The following ITIH6 variants were observed in gnomAD, a reference collection of about 807,000 sequenced individuals.
ITIH6 encodes the protein inter-alpha-trypsin inhibitor heavy chain H6.
A neutral mutation model predicts 58.2 loss-of-function variants in ITIH6; 60 were observed. The observed-to-expected ratio is 1.03, with a 90% confidence interval of 0.84 to 1.28. ITIH6 has a LOEUF of 1.28. ITIH6 is among the 50% of genes most tolerant of loss of function. ITIH6 has a pLI of 0.00. For missense variants in ITIH6, 1,290 were observed against 1,021.1 expected, an observed-to-expected ratio of 1.26 and a Z score of -3.59; for synonymous variants, 493 against 417.4, an observed-to-expected ratio of 1.18 and a Z score of -2.21.
chrX:54,758,772 G>A lies in ITIH6; in HGVS notation c.1302C>T (p.Asp434=). 1 of 1,210,173 alleles carries A rather than the reference G, an allele frequency of 8.3e-7. No individual in the cohort carries two copies. Among genetic ancestry groups the A allele is most frequent in the Non-Finnish European group, 1.1e-6 (1 of 894,367 alleles). The change falls in exon 8 of 13, where the codon GAC becomes GAT. Residue 434 remains aspartate (D), a synonymous_variant. Transcript: ENST00000218436. ...LFSLAFGDDA[D]FTLLRRLSLE... ...GGGACAGGCGGCGCAGCAGTGTAAA[G>A]TCAGCATCATCCCCAAAGGCCAAGC...
intron 6 of ITIH6, among the ~76,000 whole-genome samples, chrX:54,771,857 G>A (rs1187331840): frequency 1.8e-5 from 2 of 111,887 alleles, no homozygotes; most frequent in African/African-American, 3.3e-5. Context: ...ACAGATGCTG[G>A]CAAGGTTGTG....
intron 5 of ITIH6, among the ~76,000 whole-genome samples, chrX:54,776,180 G>GT (rs1929047909): frequency 9.2e-6 from 1 of 108,231 alleles, no homozygotes; most frequent in Non-Finnish European, 1.9e-5. Context: ...TCTTAGAGGA[G>GT]TAAAAAAAAA....
At chrX:54,789,509 T>C (rs1176600784) in intron 4 of ITIH6, among the ~76,000 whole-genome samples, 1 of 111,801 alleles carries the variant, frequency 8.9e-6, no homozygotes, top group Non-Finnish European at 1.9e-5. Flanking sequence ...GGATTGGTCC[T>C]ACCCTCTGTT....
chrX:54,774,131 CCA>C lies in ITIH6; in HGVS notation c.851_852del (p.Val284GlyfsTer5). 3 of 1,191,992 alleles carry C rather than the reference CCA, an allele frequency of 2.5e-6. No homozygotes were observed. The South Asian group carries it at 5.5e-5, about 22-fold the overall frequency. On this transcript the variant is annotated frameshift_variant, in exon 6 of 13. Transcript: ENST00000218436. LOFTEE classifies it high-confidence loss of function. Reference sequence around the variant, plus strand: ...GAGCTGCTTACGTCAATAACAAAAACCACATTCTTCTCCATAGGTGGAAGGCC... The same window carrying C: ...GAGCTGCTTACGTCAATAACAAAAACCATTCTTCTCCATAGGTGGAAGGCC... ...PRGLPPMEKNVVFVIDVSSSM... is the reference protein window; with the variant it reads ...PRGLPPMEKNXVFVIDVSSSM...
rs369187294 is a variant in ITIH6 at position 54,751,306 on chromosome X, G to T, written c.3427C>A (p.Gln1143Lys). ...TTGTCTGTAGTGACTGTGATGATCT[G>T]GAAGTAGGTGCGAGTCTGGTCCTTG... ...GHKDQTRTYF[Q>K]IITVTTDKPR... Residue 1143 changes from glutamine to lysine, a missense_variant, in exon 12 of 13, where the codon CAG becomes AAG. Transcript: ENST00000218436. 29 of 1,210,149 alleles carry T rather than the reference G, an allele frequency of 2.4e-5. No homozygotes were observed. Among genetic ancestry groups the T allele is most frequent in the Admixed American group, 8.7e-5 (4 of 45,845 alleles).
chrX:54,753,963 T>C lies in ITIH6; in HGVS notation c.3205A>G (p.Thr1069Ala). 8.3e-7 allele frequency: 1 copy of C among 1,208,917 alleles called. No homozygotes were observed. Among genetic ancestry groups the C allele is most frequent in the Non-Finnish European group, 1.1e-6 (1 of 893,635 alleles). The stretch of plus-strand genomic sequence containing the variant: ...GAGAAGGTGAAGATGCTAGGCAATG[T>C]GCCTGCAAAGGAGAGAGAGACTGTG... The part of the protein sequence containing the change: ...QGSSVGLAKG[T>A]LPSIFTFSSS... The change falls in exon 10 of 13, where the codon ACA becomes GCA. Residue 1069 changes from threonine to alanine, a missense_variant and splice_region_variant. Coordinates refer to ENST00000218436, the MANE Select transcript of ITIH6 (RefSeq NM_198510.3).
chrX:54,789,057 C>T (rs1253644211), intron 4 of ITIH6, among the ~76,000 whole-genome samples: 2 of 112,780 alleles, frequency 1.8e-5, no homozygotes, highest in African/African-American at 6.4e-5. Context: ...AGGAGACAGA[C>T]AGACAGACAC....
At chrX:54,776,801 G>C (rs1929061706) in intron 5 of ITIH6, among the ~76,000 whole-genome samples, 1 of 111,783 alleles carries the variant, frequency 8.9e-6, no homozygotes, top group Admixed American at 9.5e-5. Context: ...ATAATGCCCA[G>C]GTACTACATT....
At position 54,749,649 on chromosome X, in the gene ITIH6, G is replaced by A. The variant is rs937756162; in HGVS notation, c.*246C>T. The stretch of plus-strand genomic sequence containing the variant: ...AAGTGGCTTGTAGGGCTGGTGAGGA[G>A]CATGGATTTGGAGAGGGTGAGACTG... On this transcript the variant is annotated 3_prime_UTR_variant, in exon 13 of 13. Coordinates refer to ENST00000218436, the MANE Select transcript of ITIH6 (RefSeq NM_198510.3). 6.9e-5 allele frequency: 23 copies of A among 333,172 alleles called. No individual in the cohort carries two copies. Among genetic ancestry groups the A allele is most frequent in the Non-Finnish European group, 1.0e-4 (20 of 192,159 alleles). 27.5% of individuals were successfully genotyped at this position (333,172 alleles called of 1,213,427 possible).
chrX:54,795,134 CCAG>C (rs1569544386), intron 2 of ITIH6, among the ~76,000 whole-genome samples: 1 of 111,672 alleles, frequency 9.0e-6, no homozygotes, highest in Admixed American at 9.5e-5. Flanking sequence ...GCCGGCCCCT[CCAG>C]TCTGCTACCA....
At chrX:54,786,353 T>C (rs2147618749) in intron 5 of ITIH6, among the ~76,000 whole-genome samples, 1 of 111,858 alleles carries the variant, frequency 8.9e-6, no homozygotes, top group African/African-American at 3.2e-5. Context: ...CCATCCATGC[T>C]GCTTGGAGGC....
At chrX:54,775,653 T>G (rs1929036944) in intron 5 of ITIH6, among the ~76,000 whole-genome samples, 1 of 111,875 alleles carries the variant, frequency 8.9e-6, no homozygotes, top group Admixed American at 9.5e-5. Flanking sequence ...AGACTAGCTC[T>G]TGTCCCCAGT....
At position 54,768,998 on chromosome X, in the gene ITIH6, C is replaced by T. The variant is rs1445691938; in HGVS notation, c.903+5083G>A. On this transcript the variant is annotated intron_variant, in intron 6 of 12. Transcript: ENST00000218436. The stretch of plus-strand genomic sequence containing the variant: ...TTTTCCAACTTGATTCCATTCTCCC[C>T]ACCACTTTCAGGTACACCAATCAGA... Among the ~76,000 whole-genome samples, 144 of 109,151 alleles carry T rather than the reference C, an allele frequency of 1.3e-3. 4 individuals carry two copies. The highest frequency in any genetic ancestry group is 4.1e-3 in the African/African-American group (121 of 29,286). The allele number at this position is 109,151 out of a possible 115,157, so 94.8% of individuals were successfully genotyped here.
intron 8 of ITIH6, among the ~76,000 whole-genome samples, chrX:54,755,757 G>T (rs1017059195): frequency 9.0e-6 from 1 of 110,897 alleles, no homozygotes; most frequent in Non-Finnish European, 1.9e-5. Flanking sequence ...CAGAGAATGG[G>T]TGGGAGAGAG....
intron 6 of ITIH6, among the ~76,000 whole-genome samples, chrX:54,765,983 A>T (rs1389380125): frequency 9.0e-6 from 1 of 111,399 alleles, no homozygotes; most frequent in African/African-American, 3.3e-5. Flanking sequence ...TACCTTAGGC[A>T]GTATGGCCAT....
intron 5 of ITIH6, among the ~76,000 whole-genome samples, chrX:54,782,118 G>C (rs775013433): frequency 9.9e-5 from 11 of 110,997 alleles, no homozygotes; most frequent in Non-Finnish European, 1.9e-4. Flanking sequence ...GTGAGAATCA[G>C]GAAAAATAAC....
chrX:54,757,805 T>C lies in ITIH6; in HGVS notation c.2269A>G (p.Arg757Gly), dbSNP rs1409086613. ...GGTTTCACAGGTGGGACTTGTGTCC[T>C]GGAGTTCGTGGGTAATATATCAGGA... ...QNPDILPTNS[R>G]TQVPPVKPGI... The change falls in exon 8 of 13, where the codon AGG (arginine) becomes GGG (glycine). Residue 757 changes from arginine (R) to glycine (G), a missense_variant. By Grantham distance (125) the Arg-to-Gly change is moderately radical (BLOSUM62 -2). Coordinates refer to ENST00000218436, the MANE Select transcript of ITIH6 (RefSeq NM_198510.3). 2 of 1,210,834 alleles carry C rather than the reference T, an allele frequency of 1.7e-6. No homozygotes were observed. The highest frequency in any genetic ancestry group is 4.3e-5 in the Admixed American group (2 of 45,997).
At chrX:54,780,401 C>T (rs1317138810) in intron 5 of ITIH6, among the ~76,000 whole-genome samples, 1 of 111,610 alleles carries the variant, frequency 9.0e-6, no homozygotes, top group Admixed American at 9.5e-5. Flanking sequence ...GGAAATTAAA[C>T]AACATGCTCC....
chrX:54,777,496 G>C (rs988913260), intron 5 of ITIH6, among the ~76,000 whole-genome samples: 1 of 112,320 alleles, frequency 8.9e-6, no homozygotes, highest in African/African-American at 3.2e-5. Context: ...GCAGGCTTTG[G>C]GTGAGACCCA....
Sources: allele counts gnomAD v4.1 joint callset (sites outside exome capture counted in the v4.1 genomes callset), GRCh38; gene constraint gnomAD v4.1.1; transcripts MANE v1.5; gene names NCBI Gene and HGNC (gene_info 2026-07-23, HGNC 2026-07-21).